Variants in PCDH7 observed in about 807,000 individuals in gnomAD.
PCDH7 encodes protocadherin-7.
A neutral mutation model predicts 58.9 loss-of-function variants in PCDH7; 17 were observed. The observed-to-expected ratio is 0.29, with a 90% CI of 0.20 to 0.43. PCDH7 has a LOEUF of 0.43. Among genes scored for constraint, PCDH7 ranks in the 20% least tolerant of loss-of-function variants. PCDH7 has a pLI of 1.00. For missense variants in PCDH7, 1,274 were observed against 1,441.0 expected (o/e 0.88, Z 1.88); for synonymous variants, 664 against 616.4 (o/e 1.08, Z -1.14).
At chr4:31,096,671 G>T (rs560377569) in intron 3 of PCDH7, among the ~76,000 whole-genome samples, 1 of 152,216 alleles carries the variant, frequency 6.6e-6, no homozygotes, top group African/African-American at 2.4e-5. Flanking sequence ...AGAATAAATT[G>T]ATATATCGAC....
At chr4:31,072,898 C>T (rs772301834) in intron 3 of PCDH7, among the ~76,000 whole-genome samples, 5 of 151,928 alleles carry the variant, frequency 3.3e-5, no homozygotes, top group African/African-American at 9.7e-5. Flanking sequence ...TTCTTTAGTG[C>T]GGAGTATGGA....
chr4:30,973,955 T>C (rs1189763212), intron 3 of PCDH7, among the ~76,000 whole-genome samples: 4 of 152,036 alleles, frequency 2.6e-5, no homozygotes, highest in African/African-American at 9.7e-5. Context: ...AAAAAATCAC[T>C]AGTAAAACAG....
rs1043139061 is a variant in PCDH7, at chr4:30,908,189, C to CCTATGTAA, written c.71-11962_71-11955dup. 3.3e-5 allele frequency among the ~76,000 whole-genome samples: 5 copies of CCTATGTAA among 149,512 alleles called. No individual in the cohort carries two copies. In the East Asian group the frequency reaches 7.9e-4, roughly 24 times the overall value. On this transcript the variant is annotated intron_variant, in intron 1 of 3. Coordinates refer to the PCDH7 transcript ENST00000509759. ...AGCAAACCAGCATGGCACATGTATG[C>CCTATGTAA]CTATGTAACAAACCTGCACATTGTG...
intron 1 of PCDH7, among the ~76,000 whole-genome samples, chr4:30,790,950 A>G (rs1724045012): frequency 6.6e-6 from 1 of 152,074 alleles, no homozygotes; most frequent in Admixed American, 6.6e-5. Context: ...ACAAACAAAC[A>G]AAAAACAATA....
At chr4:31,028,788 A>G (rs986103085) in intron 3 of PCDH7, among the ~76,000 whole-genome samples, 2 of 152,220 alleles carry the variant, frequency 1.3e-5, no homozygotes, top group Non-Finnish European at 1.5e-5. Flanking sequence ...ATCGAAAAAC[A>G]TGCTAATCTT....
intron 1 of PCDH7, among the ~76,000 whole-genome samples, chr4:30,749,536 C>CT (rs1225054601): frequency 2.6e-5 from 4 of 152,002 alleles, no homozygotes; most frequent in South Asian, 2.1e-4. Flanking sequence ...GCCTGGTGGT[C>CT]TTTTTTCTGT....
At chr4:30,806,216 T>A (rs1726178528) in intron 1 of PCDH7, among the ~76,000 whole-genome samples, 2 of 152,148 alleles carry the variant, frequency 1.3e-5, no homozygotes, top group South Asian at 4.1e-4. Flanking sequence ...CCTTATTGAG[T>A]ACTAGCCTGA....
At chr4:31,050,648 G>T (rs1019984592) in intron 3 of PCDH7, among the ~76,000 whole-genome samples, 2 of 152,070 alleles carry the variant, frequency 1.3e-5, no homozygotes, top group African/African-American at 4.8e-5. Flanking sequence ...TTACTGAAAT[G>T]ATATTTATAC....
At chr4:30,993,655 A>AG (rs1354862379) in intron 3 of PCDH7, among the ~76,000 whole-genome samples, 5 of 152,202 alleles carry the variant, frequency 3.3e-5, no homozygotes, top group African/African-American at 1.2e-4. Context: ...CCAGTACACA[A>AG]GAAAAAAAAT....
At chr4:30,984,147 A>C (rs536068306) in intron 3 of PCDH7, among the ~76,000 whole-genome samples, 1 of 152,296 alleles carries the variant, frequency 6.6e-6, no homozygotes, top group African/African-American at 2.4e-5. Flanking sequence ...AAACAGAAAA[A>C]ATTCCCTTGC....
intron 1 of PCDH7, among the ~76,000 whole-genome samples, chr4:30,821,967 T>C (rs1278513035): frequency 1.3e-5 from 2 of 152,162 alleles, no homozygotes; most frequent in African/African-American, 4.8e-5. Flanking sequence ...TCAGTTTTTA[T>C]TAACGGTTGA....
chr4:30,777,560 A>G (rs146534781), intron 1 of PCDH7, among the ~76,000 whole-genome samples: 4 of 152,300 alleles, frequency 2.6e-5, no homozygotes, highest in African/African-American at 9.6e-5. Flanking sequence ...TTCAGATTCT[A>G]TAATCAGTGG....
At chr4:30,959,120 C>T (rs12642486) in intron 3 of PCDH7, among the ~76,000 whole-genome samples, 28,711 of 151,894 alleles carry the variant, frequency 0.19, 3,421 homozygotes, top group South Asian at 0.26. Flanking sequence ...GTTCCAGGGA[C>T]GCTTTAATAT....
intron 1 of PCDH7, among the ~76,000 whole-genome samples, chr4:30,869,720 T>C (rs931971969): frequency 6.6e-6 from 1 of 152,204 alleles, no homozygotes; most frequent in African/African-American, 2.4e-5. Context: ...TCTTTGCTAT[T>C]GGGAACAGTG....
rs773295258 is a variant in PCDH7, at chr4:30,919,037, GA to G, written c.71-1115del. Among the ~76,000 whole-genome samples the G allele has an allele frequency of 5.0e-4, 76 of 152,014 alleles. 1 individual carries two copies. In the Middle Eastern group the frequency reaches 0.031, roughly 61 times the overall value. On this transcript the variant is annotated intron_variant, in intron 1 of 3. Coordinates refer to the PCDH7 transcript ENST00000509759. ...ATTCAAGTTATAAAGGTGCAAAAAAGATTTTGTAAACTTTCATTATTTTCTA... is the reference window on the plus strand; with the variant it reads ...ATTCAAGTTATAAAGGTGCAAAAAAGTTTTGTAAACTTTCATTATTTTCTA...
intron 1 of PCDH7, among the ~76,000 whole-genome samples, chr4:30,829,268 A>G (rs1729483233): frequency 6.6e-6 from 1 of 152,092 alleles, no homozygotes; most frequent in Non-Finnish European, 1.5e-5. Context: ...ATAATTGAAT[A>G]CTTCATTCCA....
In PCDH7 at chr4:30,722,835, G is replaced by A; in HGVS notation, c.1413G>A (p.Lys471=). ...TGGGCGACGTGCCCTTCCAGCTCAA[G>A]CCAGCCAGCGACACCGAGGGCGACC... The change falls in exon 1 of 2, where the codon AAG becomes AAA. Residue 471 remains lysine, a synonymous_variant. Coordinates refer to ENST00000361762, the Ensembl canonical transcript of PCDH7. This position sits in a 1 kb window ranked among gnomAD's most constrained non-coding sequence, Gnocchi z 7.6. The A allele has an allele frequency of 6.2e-7, 1 of 1,613,660 alleles. No individual in the cohort carries two copies. The highest frequency in any genetic ancestry group is 2.2e-5 in the East Asian group (1 of 44,854).
At chr4:30,770,054 A>G (rs766962669) in intron 1 of PCDH7, among the ~76,000 whole-genome samples, 18 of 152,198 alleles carry the variant, frequency 1.2e-4, no homozygotes, top group Non-Finnish European at 2.9e-5. Flanking sequence ...ATTTATTAAG[A>G]GTGGTGTACT....
Position 30,746,288 on chromosome 4 carries a change from G to C in PCDH7, c.70+21692G>C, listed in dbSNP as rs547478173. On this transcript the variant is annotated intron_variant, in intron 1 of 3. Transcript: ENST00000509759. ...GCAGAAAGACCACAACATTTAAAAAGTGTCCTGGCCCACCCTCAGTGTAAA... is the reference window on the plus strand; with the variant it reads ...GCAGAAAGACCACAACATTTAAAAACTGTCCTGGCCCACCCTCAGTGTAAA... Among the ~76,000 whole-genome samples, 4 of 152,258 alleles carry C rather than the reference G, an allele frequency of 2.6e-5. No homozygotes were observed. In the East Asian group the frequency reaches 7.7e-4, roughly 29 times the overall value.
Sources: allele counts gnomAD v4.1 joint callset (sites outside exome capture counted in the v4.1 genomes callset), GRCh38; gene constraint gnomAD v4.1.1; non-coding constraint Gnocchi (gnomAD v3.1); transcripts MANE v1.5; gene names NCBI Gene and HGNC (gene_info 2026-07-23, HGNC 2026-07-21).